Variants in ADAM12 observed in about 807,000 individuals in gnomAD.
ADAM12 encodes the protein disintegrin and metalloproteinase domain-containing protein 12.
A neutral mutation model predicts 106.4 loss-of-function variants in ADAM12; 70 were observed. That is an observed-to-expected ratio of 0.66 (90% CI 0.54 to 0.80). The LOEUF is 0.80. Among genes scored for constraint, ADAM12 ranks in the 30% least tolerant of loss-of-function variants. The probability of loss-of-function intolerance (pLI) is 0.00; values close to 1 mark genes in which losing one functional copy is unlikely to be tolerated. For synonymous variants in ADAM12, 420 were observed against 433.5 expected (o/e 0.97, Z 0.39); for missense variants, 1,010 against 1,171.9 (o/e 0.86, Z 2.02).
At chr10:126,177,697 G>A (rs1226036773) in intron 3 of ADAM12, among the ~76,000 whole-genome samples, 1 of 152,136 alleles carries the variant, frequency 6.6e-6, no homozygotes, top group Non-Finnish European at 1.5e-5. Flanking sequence ...GATACAAATC[G>A]GCAAATGAAC....
intron 4 of ADAM12, among the ~76,000 whole-genome samples, chr10:126,144,748 A>G (rs747118443): frequency 6.6e-5 from 10 of 152,186 alleles, no homozygotes; most frequent in African/African-American, 2.4e-4. Context: ...TCTACAAGGG[A>G]TTTCAGAAGG....
chr10:126,178,406 A>ATTTTTTTTTTTTTTTTTTTTTTTTTTT (rs1426086384), intron 3 of ADAM12, among the ~76,000 whole-genome samples: 1 of 120,868 alleles, frequency 8.3e-6, no homozygotes, highest in African/African-American at 3.6e-5. Flanking sequence ...ATTGGAGGAC[A>ATTTTTTTTTTTTTTTTTTTTTTTTTTT]TCTTTTTTTT....
intron 3 of ADAM12, among the ~76,000 whole-genome samples, chr10:126,168,418 G>A (rs1957062762): frequency 6.6e-6 from 1 of 152,140 alleles, no homozygotes; most frequent in Non-Finnish European, 1.5e-5. Context: ...GAATGATAGT[G>A]CCTGCCTCAC....
At chr10:126,038,976 T>TTTC (rs1170443421) in intron 19 of ADAM12, among the ~76,000 whole-genome samples, 1 of 142,740 alleles carries the variant, frequency 7.0e-6, no homozygotes, top group East Asian at 2.0e-4. Flanking sequence ...TTTTTTTTTT[T>TTTC]TGAGATGGAG....
intron 3 of ADAM12, among the ~76,000 whole-genome samples, chr10:126,266,787 G>A (rs1959105580): frequency 6.6e-6 from 1 of 152,140 alleles, no homozygotes; most frequent in Non-Finnish European, 1.5e-5. Context: ...GTCAGAGCAG[G>A]AGGAAGAGAG....
At chr10:126,019,205 G>T (rs1203747045) in intron 22 of ADAM12, among the ~76,000 whole-genome samples, 2 of 152,148 alleles carry the variant, frequency 1.3e-5, no homozygotes, top group Non-Finnish European at 2.9e-5. Flanking sequence ...CGCCATGATT[G>T]TAAGTTTCCT....
At chr10:126,378,663 G>T (rs946860394) in intron 1 of ADAM12, among the ~76,000 whole-genome samples, 17 of 152,054 alleles carry the variant, frequency 1.1e-4, no homozygotes, top group Non-Finnish European at 1.6e-4. Context: ...GAATGGGTGG[G>T]GAGAAAAGGT....
intron 18 of ADAM12, chr10:126,041,939 T>C (rs1772435198): frequency 1.4e-6 from 2 of 1,426,664 alleles, no homozygotes; most frequent in Non-Finnish European, 9.1e-7. Flanking sequence ...TCGCTGCCCT[T>C]CCTTGCACTG....
intron 5 of ADAM12, among the ~76,000 whole-genome samples, chr10:126,120,413 T>C (rs1437556473): frequency 1.3e-5 from 2 of 152,132 alleles, no homozygotes; most frequent in African/African-American, 4.8e-5. Context: ...AAATGATTTT[T>C]AGGGGAATTC....
At chr10:126,069,440 C>T (rs1009692678) in intron 12 of ADAM12, among the ~76,000 whole-genome samples, 1 of 152,202 alleles carries the variant, frequency 6.6e-6, no homozygotes, top group Non-Finnish European at 1.5e-5. Context: ...AAGTTGGTAA[C>T]TGCATGCAAG....
chr10:126,121,148 T>C (rs1264170722), intron 5 of ADAM12, among the ~76,000 whole-genome samples: 1 of 52,368 alleles, frequency 1.9e-5, no homozygotes, highest in African/African-American at 1.0e-4. Context: ...CTATATATAC[T>C]ATATATACTA....
At chr10:126,161,663 G>A (rs189213365) in intron 3 of ADAM12, among the ~76,000 whole-genome samples, 32 of 152,308 alleles carry the variant, frequency 2.1e-4, no homozygotes, top group African/African-American at 7.7e-4. Context: ...GACTTGCCAG[G>A]GAGCATGGAT....
chr10:126,329,793 G>A (rs1044232263), intron 2 of ADAM12, among the ~76,000 whole-genome samples: 1 of 152,150 alleles, frequency 6.6e-6, no homozygotes, highest in Non-Finnish European at 1.5e-5. Flanking sequence ...CAAGCCATCT[G>A]TATGATCTCT....
At chr10:126,097,670 C>T (rs1955581599) in intron 10 of ADAM12, among the ~76,000 whole-genome samples, 1 of 152,142 alleles carries the variant, frequency 6.6e-6, no homozygotes, top group Non-Finnish European at 1.5e-5. Flanking sequence ...AGGTCTGGTG[C>T]AGAGGAGACA....
At chr10:126,061,773 T>A (rs187974804) in intron 14 of ADAM12, among the ~76,000 whole-genome samples, 1 of 152,208 alleles carries the variant, frequency 6.6e-6, no homozygotes, top group Admixed American at 6.5e-5. Flanking sequence ...AAACAGATGC[T>A]CCCCAGAGCC....
chr10:126,215,867 G>A (rs1164297269), intron 3 of ADAM12, among the ~76,000 whole-genome samples: 2 of 152,164 alleles, frequency 1.3e-5, no homozygotes, highest in Non-Finnish European at 2.9e-5. Flanking sequence ...CATGGTATTC[G>A]CAAATGGCAT....
Position 126,118,430 on chromosome 10 carries a change from T to C in ADAM12, c.417-206A>G, listed in dbSNP as rs565884881. ...TCTTTTGGAAAGTTAGCCTAGGAAT[T>C]TTCTTCTGTTTGAAATATTTTATGG... On this transcript the variant is annotated intron_variant, in intron 5 of 22. Transcript: ENST00000448723. Among the ~76,000 whole-genome samples the C allele has an allele frequency of 1.6e-4, 25 of 152,338 alleles. No homozygotes were observed. The East Asian group carries it at 4.2e-3, about 26-fold the overall frequency.
rs776198636 is a variant in ADAM12, at chr10:126,064,905, A to T, written c.1510T>A (p.Tyr504Asn). The change falls in exon 14 of 23, where the codon TAC becomes AAC. Residue 504 changes from tyrosine to asparagine, a missense_variant. This residue lies in a region of ADAM12 where 615 missense variants were observed against 708.5 expected (regional missense o/e 0.87). Coordinates refer to ENST00000448723, the MANE Select transcript of ADAM12 (RefSeq NM_001288973.2). The surrounding 1 kb of genome is among the most constrained non-coding windows in gnomAD (Gnocchi z 4.4). ...TGACATGAGTGCCCATCGTGCAGGT[A>T]CACGTTGGCTGGGCAGTGAGGGCTG... ...GASPHCPANVYLHDGHSCQDV... is the reference protein window; with the variant it reads ...GASPHCPANVNLHDGHSCQDV... 1 of 1,613,128 alleles carries T rather than the reference A, an allele frequency of 6.2e-7. No individual in the cohort carries two copies. The highest frequency in any genetic ancestry group is 2.2e-5 in the East Asian group (1 of 44,848).
chr10:126,039,432 G>A lies in ADAM12; in HGVS notation c.2105-3C>T. Reference sequence around the variant, plus strand: ...TCCTATGGTTAAACCTTGGTTATCTGAAACAAAACACATGGGGCTCACAGA... The same window carrying A: ...TCCTATGGTTAAACCTTGGTTATCTAAAACAAAACACATGGGGCTCACAGA... On this transcript the variant is annotated splice_polypyrimidine_tract_variant and splice_region_variant and intron_variant, in intron 18 of 22. Transcript: ENST00000448723. The A allele has an allele frequency of 1.2e-6, 2 of 1,614,014 alleles. No individual in the cohort carries two copies. Among genetic ancestry groups the A allele is most frequent in the Non-Finnish European group, 8.5e-7 (1 of 1,179,918 alleles).
Sources: allele counts gnomAD v4.1 joint callset (sites outside exome capture counted in the v4.1 genomes callset), GRCh38; gene constraint gnomAD v4.1.1; regional missense constraint gnomAD v4.1.1; non-coding constraint Gnocchi (gnomAD v3.1); transcripts MANE v1.5; gene names NCBI Gene and HGNC (gene_info 2026-07-23, HGNC 2026-07-21).